FDFT1: variants seen among roughly 807,000 people sequenced by gnomAD.
The protein encoded by FDFT1 is squalene synthase.
A neutral mutation model predicts 46.8 loss-of-function variants in FDFT1; 68 were observed. The observed-to-expected ratio is 1.45, with a 90% CI of 1.19 to 1.78. The LOEUF (loss-of-function observed/expected upper bound fraction) is 1.78, where lower values mean the gene tolerates loss of function less well. FDFT1 is among the 40% of genes most tolerant of loss of function. FDFT1 has a pLI of 0.00. For missense variants in FDFT1, 928 were observed against 524.4 expected, an observed-to-expected ratio of 1.77 and a Z score of -7.52; for synonymous variants, 351 against 185.1, an observed-to-expected ratio of 1.90 and a Z score of -7.28.
chr8:11,836,836 G>T (rs181541343), intron 7 of FDFT1, among the ~76,000 whole-genome samples: 1 of 152,356 alleles, frequency 6.6e-6, no homozygotes, highest in African/African-American at 2.4e-5. Flanking sequence ...TGGAGTTTGA[G>T]ACCAGCCTGA....
intron 3 of FDFT1, among the ~76,000 whole-genome samples, chr8:11,821,352 G>T (rs1274893876): frequency 2.0e-5 from 3 of 152,190 alleles, no homozygotes; most frequent in African/African-American, 7.2e-5. Flanking sequence ...CAGCAGTTTG[G>T]GAGGCCAGGG....
chr8:11,805,933 A>C (rs145419016), intron 1 of FDFT1, among the ~76,000 whole-genome samples: 82 of 152,310 alleles, frequency 5.4e-4, no homozygotes, highest in African/African-American at 1.9e-3. Flanking sequence ...TGATGTCCGC[A>C]TTGTGCTTGG....
At chr8:11,819,894 G>T (rs1274950638) in intron 3 of FDFT1, among the ~76,000 whole-genome samples, 1 of 152,124 alleles carries the variant, frequency 6.6e-6, no homozygotes, top group Admixed American at 6.5e-5. Context: ...CTTTGCTGGT[G>T]AGGAGTTACG....
At chr8:11,808,409 G>T in intron 1 of FDFT1, 3 of 1,238,022 alleles carry the variant, frequency 2.4e-6, no homozygotes, top group Non-Finnish European at 2.0e-6. Flanking sequence ...GTTGTGGGTC[G>T]GCCCAGCGCG....
At chr8:11,831,212 T>A (rs1810732764) in intron 6 of FDFT1, among the ~76,000 whole-genome samples, 1 of 152,242 alleles carries the variant, frequency 6.6e-6, no homozygotes, top group Admixed American at 6.5e-5. Flanking sequence ...GATAATCCAT[T>A]GCTCTAGCAT....
intron 5 of FDFT1, among the ~76,000 whole-genome samples, chr8:11,828,815 T>C (rs746935354): frequency 7.2e-5 from 11 of 152,244 alleles, no homozygotes; most frequent in Non-Finnish European, 1.5e-4. Flanking sequence ...TCAGGGCTCC[T>C]CCATGCTGGG....
In FDFT1 at chr8:11,802,757, A is replaced by T; in HGVS notation, c.-76A>T. The T allele has an allele frequency of 8.6e-7, 1 of 1,169,362 alleles. No individual in the cohort carries two copies. 72.4% of individuals were successfully genotyped at this position (1,169,362 alleles called of 1,614,324 possible). On this transcript the variant is annotated 5_prime_UTR_variant, in exon 1 of 8. Coordinates refer to ENST00000220584, the MANE Select transcript of FDFT1 (RefSeq NM_004462.5). ...CAGCCCCTCGAAGCACCTACTCCAC[A>T]GGTCCAGCCGGCCGGTGAGCGCCTG...
chr8:11,798,008 C>G (rs899069264), upstream of FDFT1: 1 of 152,248 alleles, frequency 6.6e-6, no homozygotes, highest in African/African-American at 2.4e-5. Context: ...TCCTTTAAAT[C>G]AATCCATTGA....
chr8:11,799,127 G>A (rs1017813878), upstream of FDFT1, among the ~76,000 whole-genome samples: 9 of 152,344 alleles, frequency 5.9e-5, no homozygotes, highest in South Asian at 1.0e-3. Context: ...GACTCAACAT[G>A]TGAATGCATT....
At chr8:11,812,977 C>G (rs1347277015) in intron 3 of FDFT1, among the ~76,000 whole-genome samples, 4 of 152,180 alleles carry the variant, frequency 2.6e-5, no homozygotes, top group Non-Finnish European at 4.4e-5. Context: ...ATAGAGTGTA[C>G]TTACACATAC....
At position 11,805,737 on chromosome 8, in the gene FDFT1, C is replaced by G. The variant is rs538353365; in HGVS notation, c.99+2806C>G. Among the ~76,000 whole-genome samples, 85 of 152,340 alleles carry G rather than the reference C, an allele frequency of 5.6e-4. 1 individual carries two copies. The highest frequency in any genetic ancestry group is 1.9e-3 in the African/African-American group (79 of 41,586). Reference sequence around the variant, plus strand: ...CTTCATTCATCCCACTTAGTATATTCAAATGTTTTGCTAAAGAAATAATTA... The same window carrying G: ...CTTCATTCATCCCACTTAGTATATTGAAATGTTTTGCTAAAGAAATAATTA... On this transcript the variant is annotated intron_variant, in intron 1 of 7. Coordinates refer to ENST00000220584, the MANE Select transcript of FDFT1 (RefSeq NM_004462.5).
chr8:11,809,259 CAT>C (rs1807366057), intron 2 of FDFT1: 1 of 1,133,830 alleles, frequency 8.8e-7, no homozygotes, highest in Non-Finnish European at 1.1e-6. Context: ...CCTCTGTGCA[CAT>C]TACACCCATG....
chr8:11,822,949 A>T (rs555637025), intron 4 of FDFT1, among the ~76,000 whole-genome samples: 18 of 152,332 alleles, frequency 1.2e-4, no homozygotes, highest in Non-Finnish European at 2.4e-4. Flanking sequence ...TGATCAGATA[A>T]AATTGAATTA....
chr8:11,809,448 C>G, intron 2 of FDFT1: 1 of 1,277,786 alleles, frequency 7.8e-7, no homozygotes, highest in Non-Finnish European at 9.9e-7. Context: ...TGACATTCAA[C>G]TAGTAGGCTT....
intron 7 of FDFT1, among the ~76,000 whole-genome samples, chr8:11,837,796 CAG>C (rs1291239017): frequency 6.6e-6 from 1 of 152,108 alleles, no homozygotes; most frequent in East Asian, 1.9e-4. Flanking sequence ...GAGAGGCACT[CAG>C]GGCCTAATCT....
chr8:11,802,719 C>A (rs990234652), upstream of FDFT1: 9 of 800,580 alleles, frequency 1.1e-5, no homozygotes, highest in African/African-American at 1.2e-4. Flanking sequence ...ACTAGGCCTG[C>A]CCCCTGTCCG....
chr8:11,828,467 T>C (rs1359133535), intron 5 of FDFT1, among the ~76,000 whole-genome samples: 1 of 152,314 alleles, frequency 6.6e-6, no homozygotes, highest in African/African-American at 2.4e-5. Flanking sequence ...GGATGTATAG[T>C]GAGGCAGTGG....
At chr8:11,808,953 T>C in intron 2 of FDFT1, 62 bp downstream of exon 2, 1 of 1,574,492 alleles carries the variant, frequency 6.4e-7, no homozygotes, top group Non-Finnish European at 8.6e-7. Context: ...TTTGAGTGTG[T>C]TGGAAGCTAC....
chr8:11,819,506 C>G (rs867729993), intron 3 of FDFT1, among the ~76,000 whole-genome samples: 2 of 152,166 alleles, frequency 1.3e-5, no homozygotes, highest in Non-Finnish European at 2.9e-5. Flanking sequence ...TTGGTCTTTT[C>G]ACATAGTCGC....
Sources: allele counts gnomAD v4.1 joint callset (sites outside exome capture counted in the v4.1 genomes callset), GRCh38; gene constraint gnomAD v4.1.1; transcripts MANE v1.5; gene names NCBI Gene and HGNC (gene_info 2026-07-23, HGNC 2026-07-21).